Variants in IL1RAPL2 observed in about 807,000 individuals in gnomAD.
IL1RAPL2 encodes the protein interleukin 1 receptor accessory protein like 2, also known as X-linked interleukin-1 receptor accessory protein-like 2.
In IL1RAPL2, 3 loss-of-function variants were observed where a neutral mutation model predicts 44.1. The observed-to-expected ratio is 0.07, with a 90% confidence interval of 0.03 to 0.18. IL1RAPL2 has a LOEUF of 0.18. Among genes scored for constraint, IL1RAPL2 ranks in the 10% least tolerant of loss-of-function variants. IL1RAPL2 has a pLI of 1.00. For synonymous variants in IL1RAPL2, 181 were observed against 178.8 expected (o/e 1.01, Z -0.10); for missense variants, 391 against 496.4 (o/e 0.79, Z 2.02).
intron 2 of IL1RAPL2, among the ~76,000 whole-genome samples, chrX:104,980,432 T>C (rs2030415801): frequency 8.9e-6 from 1 of 111,928 alleles, no homozygotes; most frequent in Non-Finnish European, 1.9e-5. Flanking sequence ...TTTCACATTC[T>C]TTAAGAAACC....
chrX:105,195,629 C>T lies in IL1RAPL2; in HGVS notation c.237C>T (p.Asn79=), dbSNP rs140392861. Residue 79 remains asparagine, a synonymous_variant, in exon 3 of 11, where the codon AAC becomes AAT. Coordinates refer to ENST00000372582, the MANE Select transcript of IL1RAPL2 (RefSeq NM_017416.2). The part of the protein sequence containing the change: ...STGLRLMWYK[N]KGDLEEPIIF... ...GGCTCAGGCTTATGTGGTACAAAAACAAAGGTGATTTGGAAGAGCCCATCA... is the reference window on the plus strand; with the variant it reads ...GGCTCAGGCTTATGTGGTACAAAAATAAAGGTGATTTGGAAGAGCCCATCA... 1.4e-4 allele frequency: 164 copies of T among 1,210,210 alleles called. No homozygotes were observed. In the African/African-American group the frequency reaches 2.3e-3, roughly 17 times the overall value.
At chrX:104,778,109 T>G (rs895625491) in intron 2 of IL1RAPL2, among the ~76,000 whole-genome samples, 1 of 111,105 alleles carries the variant, frequency 9.0e-6, no homozygotes, top group Non-Finnish European at 1.9e-5. Context: ...ATATTAAGCA[T>G]CTTTTCATGT....
chrX:104,851,465 T>C (rs1015207910), intron 2 of IL1RAPL2, among the ~76,000 whole-genome samples: 1 of 111,883 alleles, frequency 8.9e-6, no homozygotes, highest in Non-Finnish European at 1.9e-5. Flanking sequence ...AGATTCTTTA[T>C]TTAAAGTGGT....
chrX:105,099,495 C>T (rs1418668318), intron 2 of IL1RAPL2, among the ~76,000 whole-genome samples: 4 of 78,790 alleles, frequency 5.1e-5, no homozygotes, highest in East Asian at 4.8e-4. Flanking sequence ...GATGGAGTCT[C>T]GCTCTGTCGC....
At chrX:104,963,571 A>C (rs1027585187) in intron 2 of IL1RAPL2, among the ~76,000 whole-genome samples, 8 of 111,592 alleles carry the variant, frequency 7.2e-5, no homozygotes, top group African/African-American at 2.6e-4. Flanking sequence ...TGAGGGTAGT[A>C]AATAGATTTC....
chrX:104,696,347 A>G (rs1195998003), intron 2 of IL1RAPL2, among the ~76,000 whole-genome samples: 1 of 112,106 alleles, frequency 8.9e-6, no homozygotes, highest in East Asian at 2.8e-4. Flanking sequence ...TTGTTTTGTT[A>G]CTGCACCCTT....
Position 105,453,562 on chromosome X carries a change from C to CT in IL1RAPL2, c.698-30744dup, listed in dbSNP as rs1028467472. ...TTTCCAAAAAATCAAATCTGATAGA[C>CT]TTTTTTTGCAATGCAATGTATTGCT... On this transcript the variant is annotated intron_variant, in intron 5 of 10. Coordinates refer to ENST00000372582, the MANE Select transcript of IL1RAPL2 (RefSeq NM_017416.2). Among the ~76,000 whole-genome samples, 18 of 112,001 alleles carry CT rather than the reference C, an allele frequency of 1.6e-4. 1 individual carries two copies.
intron 2 of IL1RAPL2, among the ~76,000 whole-genome samples, chrX:104,701,057 G>A (rs1262772312): frequency 1.8e-5 from 2 of 111,124 alleles, no homozygotes; most frequent in Non-Finnish European, 3.8e-5. Flanking sequence ...CTGTAATAGA[G>A]GGACTGAGTA....
chrX:105,232,310 GACT>G (rs1285168502), intron 3 of IL1RAPL2, among the ~76,000 whole-genome samples: 5 of 111,817 alleles, frequency 4.5e-5, no homozygotes, highest in Non-Finnish European at 9.4e-5. Context: ...TTCAATGAGT[GACT>G]ACTAAGCAGT....
intron 5 of IL1RAPL2, among the ~76,000 whole-genome samples, chrX:105,283,107 C>G (rs897245870): frequency 9.0e-6 from 1 of 111,227 alleles, no homozygotes; most frequent in African/African-American, 3.3e-5. Context: ...CACCCTCACT[C>G]CACATGTAAT....
chrX:105,448,493 T>C (rs1381424419), intron 5 of IL1RAPL2, among the ~76,000 whole-genome samples: 1 of 110,071 alleles, frequency 9.1e-6, no homozygotes, highest in Non-Finnish European at 1.9e-5. Flanking sequence ...GCCTCCTCAG[T>C]AGCTGACATT....
intron 2 of IL1RAPL2, among the ~76,000 whole-genome samples, chrX:104,917,292 A>G (rs184090192): frequency 4.3e-4 from 48 of 111,968 alleles, no homozygotes; most frequent in Non-Finnish European, 8.1e-4. Flanking sequence ...GAAAGAAAAG[A>G]ATCTGAAAGG....
chrX:104,817,640 A>G (rs1428171969), intron 2 of IL1RAPL2, among the ~76,000 whole-genome samples: 1 of 111,675 alleles, frequency 9.0e-6, no homozygotes, highest in African/African-American at 3.3e-5. Flanking sequence ...ATGCTTTACC[A>G]TTTAGTAGAT....
chrX:104,718,619 C>T (rs1001874462), intron 2 of IL1RAPL2, among the ~76,000 whole-genome samples: 31 of 110,904 alleles, frequency 2.8e-4, no homozygotes, highest in Non-Finnish European at 5.7e-4. Context: ...CACCTTCCAC[C>T]GTGATTGTAA....
chrX:105,689,452 C>G (rs2038016081), intron 6 of IL1RAPL2, among the ~76,000 whole-genome samples: 1 of 112,163 alleles, frequency 8.9e-6, no homozygotes, highest in South Asian at 3.7e-4. Context: ...ATGCAGCCAA[C>G]AGACGCATGA....
chrX:105,272,730 T>C (rs185324658), intron 5 of IL1RAPL2, among the ~76,000 whole-genome samples: 9 of 112,847 alleles, frequency 8.0e-5, no homozygotes, highest in Admixed American at 3.7e-4. Context: ...GATCAGTCTT[T>C]GGTGAATATG....
At chrX:105,684,492 G>C (rs955726289) in intron 6 of IL1RAPL2, among the ~76,000 whole-genome samples, 2 of 112,519 alleles carry the variant, frequency 1.8e-5, no homozygotes, top group African/African-American at 6.4e-5. Flanking sequence ...GGCGTCTGCC[G>C]TTGCTGAGGC....
intron 1 of IL1RAPL2, among the ~76,000 whole-genome samples, chrX:104,632,065 G>T (rs1422788504): frequency 1.8e-5 from 2 of 111,621 alleles, no homozygotes; most frequent in East Asian, 2.8e-4. Flanking sequence ...CATATGGCTA[G>T]CCAGTTTTCC....
At chrX:104,950,767 C>G (rs1334976779) in intron 2 of IL1RAPL2, among the ~76,000 whole-genome samples, 4 of 109,513 alleles carry the variant, frequency 3.7e-5, no homozygotes, top group Non-Finnish European at 7.6e-5. Flanking sequence ...AGTGCAGTGG[C>G]ACAATCTCGG....
Sources: gnomAD v4.1 joint callset for allele counts (sites outside exome capture counted in the v4.1 genomes callset) on GRCh38, gnomAD v4.1.1 for gene constraint, MANE v1.5 for transcripts, NCBI Gene and HGNC (gene_info 2026-07-23, HGNC 2026-07-21) for gene names.